The following TUBB3 variants were observed in gnomAD, a reference collection of about 807,000 sequenced individuals.
TUBB3 encodes tubulin beta-3 chain.
Under a neutral mutation model 37.8 loss-of-function variants are expected in TUBB3, and 17 were observed. The observed-to-expected ratio is 0.45, with a 90% CI of 0.31 to 0.67. The LOEUF is 0.67. Among genes scored for constraint, TUBB3 ranks in the 30% least tolerant of loss-of-function variants. The pLI is 0.07. For synonymous variants in TUBB3, 332 were observed against 278.9 expected (o/e 1.19, Z -1.90); for missense variants, 262 against 657.9 (o/e 0.40, Z 6.58).
At chr16:89,933,312 T>C (rs1297142440) in intron 2 of TUBB3, 156 bp from the exon 3 acceptor site, 1 of 768,690 alleles carries the variant, frequency 1.3e-6, no homozygotes. Flanking sequence ...TGAAGAAAGT[T>C]GCTGAAGCTT....
chr16:89,932,159 C>T, intron 1 of TUBB3: 1 of 325,068 alleles, frequency 3.1e-6, no homozygotes, highest in Non-Finnish European at 6.1e-6. Context: ...CTGCCAGCTA[C>T]TGTGGGTGTC....
upstream of TUBB3, chr16:89,923,258 TC>T (rs1029979821): frequency 3.5e-5 from 17 of 490,780 alleles, no homozygotes; most frequent in Non-Finnish European, 4.8e-5. Context: ...CGGCGGCGCC[TC>T]CCGATTGGCC....
chr16:89,935,348 G>T lies in TUBB3; in HGVS notation c.897G>T (p.Met299Ile). The T allele has an allele frequency of 6.2e-7, 1 of 1,614,024 alleles. No homozygotes were observed. Among genetic ancestry groups the T allele is most frequent in the Admixed American group, 1.7e-5 (1 of 60,030 alleles). The change falls in exon 4 of 4, where the codon ATG (methionine) becomes ATT (isoleucine). Residue 299 changes from methionine (M) to isoleucine (I), a missense_variant. By Grantham distance (10) the Met-to-Ile change is conservative. Around this residue, in one of 3 missense-constraint regions of TUBB3, gnomAD observed 165 missense variants for 556.8 expected, o/e 0.30. Transcript: ENST00000315491. Reference sequence around the variant, plus strand: ...AGCAGATGTTCGATGCCAAGAACATGATGGCCGCCTGCGACCCGCGCCACG... The same window carrying T: ...AGCAGATGTTCGATGCCAAGAACATTATGGCCGCCTGCGACCCGCGCCACG... ...LTQQMFDAKN[M>I]MAACDPRHGR... is the part of the protein sequence containing the mutation.
At chr16:89,933,119 A>T (rs1313524838) in intron 2 of TUBB3, 2 of 555,462 alleles carry the variant, frequency 3.6e-6, no homozygotes, top group Non-Finnish European at 6.7e-6. Flanking sequence ...TAATAGAGAC[A>T]GTCTCGATAT....
rs2030448796 is a variant in TUBB3, at chr16:89,936,089, G to C, written c.*285G>C. On this transcript the variant is annotated 3_prime_UTR_variant, in exon 4 of 4. Coordinates refer to ENST00000315491, the MANE Select transcript of TUBB3 (RefSeq NM_006086.4). ...ATACTTAATAAATCTATTGCTGTCA[G>C]ATACCCTTGCTTGGTGCCAGAGATG... 5.6e-6 allele frequency: 3 copies of C among 533,166 alleles called. No homozygotes were observed. The allele number at this position is 533,166 out of a possible 1,614,324, so 33.0% of individuals were successfully genotyped here.
intron 2 of TUBB3, 35 bp from the exon 3 acceptor site, chr16:89,933,433 G>A: frequency 1.9e-6 from 3 of 1,540,844 alleles, no homozygotes; most frequent in Non-Finnish European, 2.7e-6. Flanking sequence ...CTGGCCCTCT[G>A]TGACCCGAAT....
At chr16:89,922,495 C>T (rs538988708), upstream of TUBB3, 4 of 152,648 alleles carry the variant, frequency 2.6e-5, no homozygotes, top group African/African-American at 9.6e-5. Flanking sequence ...CCCGAGGCCC[C>T]CCTGCACGCA....
chr16:89,932,419 CAG>C, intron 1 of TUBB3, 150 bp from the exon 2 acceptor site: 1 of 672,512 alleles, frequency 1.5e-6, no homozygotes, highest in South Asian at 1.6e-5. Context: ...TGACAGGTAA[CAG>C]AGTGTGGGGC....
intron 3 of TUBB3, 177 bp from the exon 4 acceptor site, chr16:89,934,552 A>G (rs899728861): frequency 7.4e-6 from 5 of 679,574 alleles, no homozygotes; most frequent in African/African-American, 7.1e-5. Context: ...ACTCAGCAGC[A>G]TCGGCTCAGG....
At chr16:89,925,926 C>A (rs988027667) in intron 1 of TUBB3, among the ~76,000 whole-genome samples, 1 of 152,228 alleles carries the variant, frequency 6.6e-6, no homozygotes, top group Non-Finnish European at 1.5e-5. Flanking sequence ...GCGGTCACCC[C>A]TGCGCTGGGA....
In TUBB3 at chr16:89,935,135, G is replaced by A; in HGVS notation, c.684G>A (p.Leu228=). 6.2e-7 allele frequency: 1 copy of A among 1,614,106 alleles called. No homozygotes were observed. Among genetic ancestry groups the A allele is most frequent in the South Asian group, 1.1e-5 (1 of 91,078 alleles). Residue 228 remains leucine (L), a synonymous_variant, in exon 4 of 4, where the codon CTG becomes CTA. Transcript: ENST00000315491. ...ATPTYGDLNH[L]VSATMSGVTT... ...CCACCTACGGGGACCTCAACCACCTGGTATCGGCCACCATGAGCGGAGTCA... is the reference window on the plus strand; with the variant it reads ...CCACCTACGGGGACCTCAACCACCTAGTATCGGCCACCATGAGCGGAGTCA...
chr16:89,923,314 T>TA (rs956915201), upstream of TUBB3: 1,950 of 1,167,602 alleles, frequency 1.7e-3, 5 homozygotes, highest in Non-Finnish European at 2.0e-3. Context: ...GCCGCGGCTA[T>TA]AAGAGCGCGC....
At chr16:89,926,393 G>C (rs1361011693) in intron 1 of TUBB3, among the ~76,000 whole-genome samples, 2 of 152,250 alleles carry the variant, frequency 1.3e-5, no homozygotes, top group Admixed American at 1.3e-4. Context: ...GGAGGGGCTT[G>C]GAGGCCCCAG....
At chr16:89,932,353 C>T (rs551595838) in intron 1 of TUBB3, among the ~76,000 whole-genome samples, 1 of 152,314 alleles carries the variant, frequency 6.6e-6, no homozygotes, top group East Asian at 1.9e-4. Flanking sequence ...CACCCTGGGG[C>T]TGTGGTCGGC....
chr16:89,934,086 C>T (rs1445714567), intron 3 of TUBB3: 42 of 309,368 alleles, frequency 1.4e-4, no homozygotes, highest in African/African-American at 8.7e-4. Flanking sequence ...CACGTTCCCA[C>T]GCCTGTGTCC....
intron 1 of TUBB3, among the ~76,000 whole-genome samples, chr16:89,930,522 C>T (rs374899509): frequency 5.9e-5 from 9 of 152,064 alleles, no homozygotes; most frequent in African/African-American, 1.7e-4. Context: ...CTCCTGGGTT[C>T]AAGCAATTCT....
At chr16:89,934,079 G>A (rs1717596001) in intron 3 of TUBB3, 4 of 345,762 alleles carry the variant, frequency 1.2e-5, no homozygotes, top group East Asian at 8.2e-5. Flanking sequence ...TGGATGCCAC[G>A]TTCCCACGCC....
intron 3 of TUBB3, 95 bp from the exon 4 acceptor site, chr16:89,934,634 T>TG (rs2030391219): frequency 4.1e-6 from 5 of 1,230,634 alleles, no homozygotes; most frequent in Non-Finnish European, 4.7e-6. Context: ...GGCATGGGGC[T>TG]GCCACGGCTG....
chr16:89,925,132 ACATCCCCTGAGGCT>A (rs1431086990), intron 1 of TUBB3, among the ~76,000 whole-genome samples: 47 of 152,244 alleles, frequency 3.1e-4, no homozygotes, highest in African/African-American at 1.1e-3. Flanking sequence ...GCACATGCAG[ACATCCCCTGAGGCT>A]CCACGGGTAG....
Sources: allele counts gnomAD v4.1 joint callset (sites outside exome capture counted in the v4.1 genomes callset), GRCh38; gene constraint gnomAD v4.1.1; regional missense constraint gnomAD v4.1.1; transcripts MANE v1.5; gene names NCBI Gene and HGNC (gene_info 2026-07-23, HGNC 2026-07-21).